Variants in TEAD1 observed in about 807,000 individuals in gnomAD.
The protein encoded by TEAD1 is TEA domain transcription factor 1.
In TEAD1, 9 loss-of-function variants were observed where a neutral mutation model predicts 54.9. The observed-to-expected ratio is 0.16, with a 90% confidence interval of 0.10 to 0.29. The LOEUF (loss-of-function observed/expected upper bound fraction) is 0.29, where lower values mean the gene tolerates loss of function less well. Ranked by LOEUF, TEAD1 falls within the 10% of genes least tolerant of loss-of-function variation. The pLI is 1.00. For missense variants in TEAD1, 387 were observed against 535.9 expected (o/e 0.72, Z 2.74); for synonymous variants, 200 against 187.8 (o/e 1.07, Z -0.53).
intron 3 of TEAD1, among the ~76,000 whole-genome samples, chr11:12,766,469 C>A (rs1409514301): frequency 1.2e-4 from 18 of 152,032 alleles, no homozygotes; most frequent in Admixed American, 1.1e-3. Context: ...AAGATTTTAC[C>A]CTTGGTCTTG....
rs764531349 is a variant in TEAD1, at chr11:12,764,264, G to A, written c.32G>A (p.Ser11Asn). ...CCCAGCAGCTGGAGCGGCAGTGAGA[G>A]CCCTGCCGAAAACATGGAAAGGATG... The change falls in exon 3 of 13, where the codon AGC becomes AAC. Residue 11 changes from serine (S) to asparagine (N), a missense_variant. Physicochemically the swap from Ser to Asn is conservative, Grantham distance 46 (BLOSUM62 1). Around this residue, in one of 5 missense-constraint regions of TEAD1, gnomAD observed 55 missense variants for 50.4 expected, o/e 1.09. Transcript: ENST00000527636. 4 of 1,614,014 alleles carry A rather than the reference G, an allele frequency of 2.5e-6. No homozygotes were observed. The highest frequency in any genetic ancestry group is 3.4e-6 in the Non-Finnish European group (4 of 1,180,022).
At position 12,771,975 on chromosome 11, in the gene TEAD1, C is replaced by T. The variant is rs563900657; in HGVS notation, c.202+7541C>T. On this transcript the variant is annotated intron_variant, in intron 3 of 12. Coordinates refer to ENST00000527636, the MANE Select transcript of TEAD1 (RefSeq NM_021961.6). The stretch of plus-strand genomic sequence containing the variant: ...ATATCTGGGAGTATGGCCTGGGAAA[C>T]TGTATTTCTAAATGCTCCCTGAGTC... Among the ~76,000 whole-genome samples the T allele has an allele frequency of 2.9e-4, 44 of 152,280 alleles. No homozygotes were observed. The South Asian group carries it at 7.9e-3, about 27-fold the overall frequency.
chr11:12,901,957 C>T lies in TEAD1; in HGVS notation c.717C>T (p.Phe239=), dbSNP rs368869959. 3.1e-5 allele frequency: 50 copies of T among 1,614,206 alleles called. 1 individual carries two copies. The highest frequency in any genetic ancestry group is 3.3e-4 in the Middle Eastern group (2 of 6,062). Residue 239 remains phenylalanine (F), a synonymous_variant, in exon 10 of 13, where the codon TTC becomes TTT. Transcript: ENST00000527636. ...TCTTACAGTACAACAAACACCTCTT[C>T]GTGCACATTGGGCATGCCAACCATT...
At chr11:12,719,799 C>T (rs1443026033) in intron 2 of TEAD1, among the ~76,000 whole-genome samples, 2 of 151,506 alleles carry the variant, frequency 1.3e-5, no homozygotes. Context: ...GCTAAAAAAA[C>T]TCTGACTTGA....
intron 3 of TEAD1, among the ~76,000 whole-genome samples, chr11:12,842,521 A>G (rs1947061995): frequency 6.6e-6 from 1 of 152,160 alleles, no homozygotes; most frequent in Non-Finnish European, 1.5e-5. Flanking sequence ...CTGTAAATTC[A>G]TTCTAGAGAA....
chr11:12,708,173 A>G (rs932566224), intron 2 of TEAD1, among the ~76,000 whole-genome samples: 1 of 151,618 alleles, frequency 6.6e-6, no homozygotes, highest in Admixed American at 6.6e-5. Context: ...TTGAGCCTGT[A>G]GCTTCTCTCT....
chr11:12,823,950 G>T (rs1946601277), intron 3 of TEAD1, among the ~76,000 whole-genome samples: 1 of 152,070 alleles, frequency 6.6e-6, no homozygotes, highest in Admixed American at 6.6e-5. Context: ...CTACCCCAGG[G>T]AGACATTTAT....
At chr11:12,901,860 T>A in intron 9 of TEAD1, 80 bp from the exon 10 acceptor site, 1 of 1,577,724 alleles carries the variant, frequency 6.3e-7, no homozygotes, top group Non-Finnish European at 8.7e-7. Flanking sequence ...GTACTACTGC[T>A]CTTTATCCAG....
chr11:12,711,392 C>T (rs1435444913), intron 2 of TEAD1, among the ~76,000 whole-genome samples: 2 of 152,190 alleles, frequency 1.3e-5, no homozygotes, highest in Admixed American at 6.5e-5. Context: ...TTAAGATGTT[C>T]TCTTAGTAGT....
intron 3 of TEAD1, among the ~76,000 whole-genome samples, chr11:12,784,203 G>C (rs1193060118): frequency 6.6e-6 from 1 of 152,130 alleles, no homozygotes; most frequent in Non-Finnish European, 1.5e-5. Flanking sequence ...TGAGGGAGAA[G>C]ATGAAGATTT....
At chr11:12,866,442 A>G (rs1385404819) in intron 5 of TEAD1, among the ~76,000 whole-genome samples, 2 of 152,208 alleles carry the variant, frequency 1.3e-5, no homozygotes, top group South Asian at 2.1e-4. Context: ...AGGGATTCCC[A>G]TGTGATATAG....
chr11:12,906,031 A>G (rs887963932), intron 10 of TEAD1, among the ~76,000 whole-genome samples: 1 of 152,120 alleles, frequency 6.6e-6, no homozygotes, highest in African/African-American at 2.4e-5. Context: ...TTAGGGTGGA[A>G]GATTCTACTG....
chr11:12,862,364 G>T, intron 4 of TEAD1, 50 bp downstream of exon 4: 1 of 1,571,778 alleles, frequency 6.4e-7, no homozygotes. Context: ...GGCCCAAAAA[G>T]GCATTTTGGC....
At chr11:12,933,461 T>C (rs762466793) in intron 12 of TEAD1, among the ~76,000 whole-genome samples, 56 of 152,224 alleles carry the variant, frequency 3.7e-4, no homozygotes, top group Non-Finnish European at 7.4e-4. Flanking sequence ...TCATCTCTTA[T>C]ACTTTAAATC....
At position 12,764,274 on chromosome 11, in the gene TEAD1, A is replaced by C; in HGVS notation, c.42A>C (p.Glu14Asp). The change falls in exon 3 of 13, where the codon GAA becomes GAC. Residue 14 changes from glutamate (E) to aspartate (D), a missense_variant. Around this residue, in one of 5 missense-constraint regions of TEAD1, gnomAD observed 55 missense variants for 50.4 expected, o/e 1.09. Transcript: ENST00000527636. ...GGAGCGGCAGTGAGAGCCCTGCCGA[A>C]AACATGGAAAGGATGAGTGACTCTG... The C allele has an allele frequency of 6.2e-7, 1 of 1,614,180 alleles. No homozygotes were observed. Among genetic ancestry groups the C allele is most frequent in the Non-Finnish European group, 8.5e-7 (1 of 1,180,030 alleles).
In TEAD1 at chr11:12,937,233, TTATA is replaced by T. The variant is rs770287642; in HGVS notation, c.*18_*21del. 1.9e-6 allele frequency: 3 copies of T among 1,561,644 alleles called. No homozygotes were observed. The highest frequency in any genetic ancestry group is 4.5e-5 in the East Asian group (2 of 44,186). ...CTTGTAAAGGACTGAACATGGTTAT[TTATA>T]TATATAGATATCTGTATATACACAC... On this transcript the variant is annotated 3_prime_UTR_variant, in exon 13 of 13. Coordinates refer to ENST00000527636, the MANE Select transcript of TEAD1 (RefSeq NM_021961.6).
chr11:12,860,568 TTACTC>T (rs1247109092), intron 3 of TEAD1, among the ~76,000 whole-genome samples: 1 of 152,228 alleles, frequency 6.6e-6, no homozygotes, highest in Non-Finnish European at 1.5e-5. Context: ...TTCCAGTTCT[TTACTC>T]TGCTAGGGAA....
At chr11:12,767,774 G>A (rs983375927) in intron 3 of TEAD1, among the ~76,000 whole-genome samples, 1 of 152,168 alleles carries the variant, frequency 6.6e-6, no homozygotes, top group African/African-American at 2.4e-5. Context: ...AGGGGTACGA[G>A]ATGTCCTTTG....
At position 12,691,795 on chromosome 11, in the gene TEAD1, T is replaced by A. The variant is rs866565342; in HGVS notation, c.-55+16234T>A. ...AGGACATGAGAGATTCCTTATCTTATTACCACCGTGAGCCATTCAGGCTGC... is the reference window on the plus strand; with the variant it reads ...AGGACATGAGAGATTCCTTATCTTAATACCACCGTGAGCCATTCAGGCTGC... On this transcript the variant is annotated intron_variant, in intron 2 of 12. Transcript: ENST00000527636. Among the ~76,000 whole-genome samples the A allele has an allele frequency of 5.9e-5, 9 of 152,310 alleles. No homozygotes were observed. In the South Asian group the frequency reaches 1.9e-3, roughly 32 times the overall value.
Sources: allele counts gnomAD v4.1 joint callset (sites outside exome capture counted in the v4.1 genomes callset), GRCh38; gene constraint gnomAD v4.1.1; regional missense constraint gnomAD v4.1.1; transcripts MANE v1.5; gene names NCBI Gene and HGNC (gene_info 2026-07-23, HGNC 2026-07-21).